The following DIP2B variants were observed in gnomAD, a reference collection of about 807,000 sequenced individuals.
The protein encoded by DIP2B is disco-interacting protein 2 homolog B.
A neutral mutation model predicts 198.0 loss-of-function variants in DIP2B; 76 were observed. The observed-to-expected ratio is 0.38, with a 90% CI of 0.32 to 0.46. The LOEUF (loss-of-function observed/expected upper bound fraction) is 0.46. DIP2B is among the 20% of genes least tolerant of loss of function. The pLI is 0.99. For synonymous variants in DIP2B, 701 were observed against 739.1 expected (o/e 0.95, Z 0.84); for missense variants, 1,559 against 1,978.4 (o/e 0.79, Z 4.02).
rs1051040317 is a variant in DIP2B, at chr12:50,648,096, G to A, written c.301+7244G>A. ...ACTCCAGCCTAGGCGACAGATCGAT[G>A]CTCCAACACTCCGTCTCAAAAAAAC... On this transcript the variant is annotated intron_variant, in intron 3 of 37. Transcript: ENST00000301180. 4.6e-5 allele frequency among the ~76,000 whole-genome samples: 7 copies of A among 151,900 alleles called. No individual in the cohort carries two copies. The East Asian group carries it at 5.8e-4, about 13-fold the overall frequency.
chr12:50,565,400 A>G (rs1429277720), intron 1 of DIP2B, among the ~76,000 whole-genome samples: 1 of 151,910 alleles, frequency 6.6e-6, no homozygotes, highest in Non-Finnish European at 1.5e-5. Flanking sequence ...GGTTCATGCC[A>G]TTCTCCTGCC....
rs562856634 is a variant in DIP2B, at chr12:50,572,984, C to G, written c.101-52992C>G. ...TCTTGGCTAGAGTGTGCTGTTAAAA[C>G]AGAGAACACTCTTGGCACTCAGAAA... is the stretch of plus-strand genomic sequence containing the variant. On this transcript the variant is annotated intron_variant, in intron 1 of 37. Coordinates refer to ENST00000301180, the MANE Select transcript of DIP2B (RefSeq NM_173602.3). 2.0e-5 allele frequency among the ~76,000 whole-genome samples: 3 copies of G among 152,308 alleles called. No individual in the cohort carries two copies. In the South Asian group the frequency reaches 6.2e-4, roughly 32 times the overall value.
At chr12:50,570,921 T>C (rs1958607154) in intron 1 of DIP2B, among the ~76,000 whole-genome samples, 1 of 152,224 alleles carries the variant, frequency 6.6e-6, no homozygotes, top group Non-Finnish European at 1.5e-5. Context: ...AACAAAACTT[T>C]TATTGACTGT....
chr12:50,682,720 G>C lies in DIP2B; in HGVS notation c.1207-418G>C, dbSNP rs116049223. 2.9e-3 allele frequency among the ~76,000 whole-genome samples: 442 copies of C among 150,444 alleles called. 5 individuals are homozygous for C. The highest frequency in any genetic ancestry group is 0.01 in the African/African-American group (416 of 40,976). On this transcript the variant is annotated intron_variant, in intron 9 of 37. Transcript: ENST00000301180. ...CAGTCTACAGTTGTAGGCTCTCTCT[G>C]AGAGATGTAAGGCTTATTCTTTAAT...
chr12:50,568,508 T>C (rs1218277942), intron 1 of DIP2B, among the ~76,000 whole-genome samples: 1 of 152,172 alleles, frequency 6.6e-6, no homozygotes, highest in Admixed American at 6.5e-5. Context: ...TGTCAGCATT[T>C]TTAGTGTGTG....
intron 1 of DIP2B, among the ~76,000 whole-genome samples, chr12:50,540,177 C>T (rs1366265892): frequency 1.3e-4 from 18 of 139,744 alleles, no homozygotes; most frequent in Admixed American, 1.2e-3. Context: ...GGCGTGATCT[C>T]GGCTCATTGC....
At position 50,536,209 on chromosome 12, in the gene DIP2B, G is replaced by A. The variant is rs572640055; in HGVS notation, c.100+30969G>A. Among the ~76,000 whole-genome samples the A allele has an allele frequency of 6.6e-5, 10 of 152,174 alleles. No individual in the cohort carries two copies. The East Asian group carries it at 7.7e-4, about 12-fold the overall frequency. On this transcript the variant is annotated intron_variant, in intron 1 of 37. Coordinates refer to ENST00000301180, the MANE Select transcript of DIP2B (RefSeq NM_173602.3). ...CATGATTTATAGTCCTTTGGGTATA[G>A]AGCCCAGGAATTTGAGACCATCCCA...
Position 50,685,903 on chromosome 12 carries a change from T to C in DIP2B, c.1388T>C (p.Val463Ala), listed in dbSNP as rs376436070. The C allele has an allele frequency of 6.2e-7, 1 of 1,613,882 alleles. No homozygotes were observed. Among genetic ancestry groups the C allele is most frequent in the African/African-American group, 1.3e-5 (1 of 74,932 alleles). The stretch of plus-strand genomic sequence containing the variant: ...ATTGCCTTAGCTCTTACCAGTGAAG[T>C]TTGTCTAAAAGGACTGCCAAAAACC... ...CGIALALTSE[V>A]CLKGLPKTQN... Residue 463 changes from valine to alanine, a missense_variant, in exon 11 of 38, where the codon GTT becomes GCT. By Grantham distance (64) the Val-to-Ala change is moderately conservative (BLOSUM62 0). Transcript: ENST00000301180.
intron 1 of DIP2B, among the ~76,000 whole-genome samples, chr12:50,615,517 C>T (rs529996679): frequency 6.6e-6 from 1 of 152,272 alleles, no homozygotes; most frequent in East Asian, 1.9e-4. Flanking sequence ...GAGTCTAGCA[C>T]TGTGGAGCAA....
At chr12:50,651,579 A>T (rs1002755992) in intron 3 of DIP2B, among the ~76,000 whole-genome samples, 3 of 152,170 alleles carry the variant, frequency 2.0e-5, no homozygotes, top group Non-Finnish European at 4.4e-5. Context: ...TTTGTTGAAG[A>T]AACTATCCTT....
chr12:50,547,923 G>A (rs1442852273), intron 1 of DIP2B, among the ~76,000 whole-genome samples: 2 of 152,044 alleles, frequency 1.3e-5, no homozygotes, highest in African/African-American at 2.4e-5. Context: ...ACAAAAATTA[G>A]CCAGGGATGG....
chr12:50,681,184 A>G (rs1046861571), intron 9 of DIP2B, among the ~76,000 whole-genome samples: 2 of 152,190 alleles, frequency 1.3e-5, no homozygotes, highest in South Asian at 2.1e-4. Flanking sequence ...TAATCCCAGC[A>G]CTTTGGGACA....
At chr12:50,577,610 T>C (rs1293196938) in intron 1 of DIP2B, among the ~76,000 whole-genome samples, 4 of 151,206 alleles carry the variant, frequency 2.6e-5, no homozygotes, top group Non-Finnish European at 4.4e-5. Context: ...AAATTTATTA[T>C]ATTTATATAT....
At chr12:50,722,881 C>T (rs868431478) in intron 26 of DIP2B, among the ~76,000 whole-genome samples, 3 of 152,182 alleles carry the variant, frequency 2.0e-5, no homozygotes, top group Admixed American at 6.5e-5. Flanking sequence ...CTTTTATTTT[C>T]CTAGTTAACC....
At chr12:50,690,688 T>G (rs1458253704) in intron 12 of DIP2B, among the ~76,000 whole-genome samples, 1 of 152,248 alleles carries the variant, frequency 6.6e-6, no homozygotes, top group African/African-American at 2.4e-5. Flanking sequence ...AGAGACCGCG[T>G]CTTACATACC....
intron 3 of DIP2B, chr12:50,655,017 C>G (rs1162746832): frequency 4.4e-6 from 2 of 450,874 alleles, no homozygotes; most frequent in Non-Finnish European, 8.9e-6. Context: ...TTAGAATTCT[C>G]TCTTGTCAGA....
At chr12:50,542,392 G>GT (rs1229441902) in intron 1 of DIP2B, among the ~76,000 whole-genome samples, 1 of 151,992 alleles carries the variant, frequency 6.6e-6, no homozygotes, top group Non-Finnish European at 1.5e-5. Flanking sequence ...TTCTGTAATA[G>GT]TTTTTTCCTG....
In DIP2B at chr12:50,746,491, G is replaced by A. The variant is rs1355124595; in HGVS notation, c.*1652G>A. 6.6e-6 allele frequency: 1 copy of A among 152,152 alleles called. No individual in the cohort carries two copies. Among genetic ancestry groups the A allele is most frequent in the Non-Finnish European group, 1.5e-5 (1 of 68,030 alleles). 9.4% of individuals were successfully genotyped at this position (152,152 alleles called of 1,614,324 possible). On this transcript the variant is annotated 3_prime_UTR_variant, in exon 38 of 38. Coordinates refer to ENST00000301180, the MANE Select transcript of DIP2B (RefSeq NM_173602.3). The stretch of plus-strand genomic sequence containing the variant: ...TTTGCGGTGGCAGTGCTCTAGGGCT[G>A]CCATTACACGGTCTTGTGATGTGAC...
intron 1 of DIP2B, among the ~76,000 whole-genome samples, chr12:50,515,522 C>T (rs1958056260): frequency 1.3e-5 from 2 of 152,160 alleles, no homozygotes; most frequent in Admixed American, 6.6e-5. Flanking sequence ...GCCACCATGC[C>T]CAGCCCTACA....
Sources: allele counts gnomAD v4.1 joint callset (sites outside exome capture counted in the v4.1 genomes callset), GRCh38; gene constraint gnomAD v4.1.1; transcripts MANE v1.5; gene names NCBI Gene and HGNC (gene_info 2026-07-23, HGNC 2026-07-21).